The following RBFOX1 variants were observed in gnomAD, a reference collection of about 807,000 sequenced individuals.
RBFOX1 encodes RNA binding protein fox-1 homolog 1.
A neutral mutation model predicts 57.7 loss-of-function variants in RBFOX1; 8 were observed. The ratio of observed to expected loss-of-function variants is 0.14; its 90% CI spans 0.08 to 0.25. The LOEUF (loss-of-function observed/expected upper bound fraction) is 0.25. RBFOX1 is among the 10% of genes least tolerant of loss of function. The pLI is 1.00. For missense variants in RBFOX1, 611 were observed against 548.5 expected (o/e 1.11, Z -1.14); for synonymous variants, 326 against 222.4 (o/e 1.47, Z -4.15).
intron 2 of RBFOX1, among the ~76,000 whole-genome samples, chr16:5,587,197 C>G (rs1477351451): frequency 1.3e-5 from 2 of 152,182 alleles, no homozygotes; most frequent in Admixed American, 6.5e-5. Flanking sequence ...AATTGCATAT[C>G]TGTAAGAGAC....
At chr16:5,255,334 ATCCATCCATCCATCCATCCC>A (rs1322918917) in intron 1 of RBFOX1, among the ~76,000 whole-genome samples, 2 of 137,018 alleles carry the variant, frequency 1.5e-5, no homozygotes, top group South Asian at 2.4e-4. Flanking sequence ...CCATCCATCC[ATCCATCCATCCATCCATCCC>A]TCCATCCATC....
intron 3 of RBFOX1, among the ~76,000 whole-genome samples, chr16:7,022,775 C>G (rs1011847331): frequency 1.3e-5 from 2 of 152,144 alleles, no homozygotes; most frequent in African/African-American, 4.8e-5. Flanking sequence ...GGTATATTAG[C>G]TCATTTTATC....
chr16:7,004,303 C>T (rs141772978), intron 3 of RBFOX1, among the ~76,000 whole-genome samples: 9 of 152,212 alleles, frequency 5.9e-5, no homozygotes, highest in East Asian at 3.9e-4. Flanking sequence ...TAACTCCATT[C>T]GGATACCTAA....
chr16:5,297,664 T>G (rs1433309184), intron 1 of RBFOX1, among the ~76,000 whole-genome samples: 3 of 152,346 alleles, frequency 2.0e-5, no homozygotes, highest in South Asian at 4.1e-4. Flanking sequence ...ATGTATGGTT[T>G]GCAAATATTT....
intron 3 of RBFOX1, among the ~76,000 whole-genome samples, chr16:6,905,258 T>TAA (rs112060453): frequency 6.6e-6 from 1 of 150,662 alleles, no homozygotes; most frequent in African/African-American, 2.5e-5. Context: ...AAAAAAAAAA[T>TAA]TAAAAAAAAG....
intron 4 of RBFOX1, among the ~76,000 whole-genome samples, chr16:7,319,920 G>A (rs1199501436): frequency 6.6e-6 from 1 of 152,072 alleles, no homozygotes; most frequent in Non-Finnish European, 1.5e-5. Context: ...TCAAAGTGTT[G>A]GAGTGCTTAG....
chr16:5,452,976 G>GC (rs2151570537), intron 1 of RBFOX1, among the ~76,000 whole-genome samples: 1 of 152,240 alleles, frequency 6.6e-6, no homozygotes, highest in Admixed American at 6.5e-5. Context: ...TGTCTTCAAG[G>GC]CCCTTAGGGT....
At chr16:5,456,846 C>T (rs1241366020) in intron 1 of RBFOX1, among the ~76,000 whole-genome samples, 1 of 152,186 alleles carries the variant, frequency 6.6e-6, no homozygotes, top group African/African-American at 2.4e-5. Flanking sequence ...TCCTGAGACC[C>T]CGCCTTGCCT....
intron 5 of RBFOX1, among the ~76,000 whole-genome samples, chr16:7,544,832 T>C (rs1395584): frequency 0.59 from 90,430 of 152,088 alleles, 29,812 homozygotes; most frequent in Non-Finnish European, 0.75. Flanking sequence ...ATAGCACTTA[T>C]TGTAACTAGT....
chr16:7,228,289 C>G (rs554441190), intron 4 of RBFOX1, among the ~76,000 whole-genome samples: 1 of 152,220 alleles, frequency 6.6e-6, no homozygotes, highest in Non-Finnish European at 1.5e-5. Context: ...TATTCATCCT[C>G]AAGGTAATAT....
intron 1 of RBFOX1, among the ~76,000 whole-genome samples, chr16:5,301,390 C>T (rs867232643): frequency 3.9e-5 from 6 of 151,928 alleles, no homozygotes; most frequent in Admixed American, 1.3e-4. Context: ...GAGGCCAAGA[C>T]GGGAGATTCA....
intron 3 of RBFOX1, among the ~76,000 whole-genome samples, chr16:6,696,857 A>G (rs2061128248): frequency 6.6e-6 from 1 of 152,240 alleles, no homozygotes; most frequent in African/African-American, 2.4e-5. Context: ...TCTACTGAGA[A>G]ATAGTATTTT....
At chr16:6,966,095 T>C (rs2084085210) in intron 3 of RBFOX1, among the ~76,000 whole-genome samples, 1 of 151,890 alleles carries the variant, frequency 6.6e-6, no homozygotes, top group South Asian at 2.1e-4. Context: ...TATCACGGGG[T>C]TCTCAACCAT....
At chr16:5,402,567 T>G (rs972217563) in intron 1 of RBFOX1, among the ~76,000 whole-genome samples, 1 of 152,206 alleles carries the variant, frequency 6.6e-6, no homozygotes, top group Non-Finnish European at 1.5e-5. Context: ...TCTTCCAAAT[T>G]CTAAAAACTT....
chr16:6,163,754 C>T (rs991114065), intron 1 of RBFOX1, among the ~76,000 whole-genome samples: 1 of 152,152 alleles, frequency 6.6e-6, no homozygotes, highest in Non-Finnish European at 1.5e-5. Context: ...GACACTGCAA[C>T]CTAAATCTTC....
chr16:6,991,172 G>C (rs1023715442), intron 3 of RBFOX1, among the ~76,000 whole-genome samples: 2 of 148,448 alleles, frequency 1.3e-5, no homozygotes, highest in African/African-American at 2.5e-5. Context: ...AGACACGGTG[G>C]CGTGTACCTT....
intron 2 of RBFOX1, among the ~76,000 whole-genome samples, chr16:6,411,711 C>T (rs530755415): frequency 7.9e-5 from 12 of 152,310 alleles, no homozygotes; most frequent in African/African-American, 2.9e-4. Flanking sequence ...TGCATGCTCT[C>T]AGCTTTTATT....
intron 4 of RBFOX1, among the ~76,000 whole-genome samples, chr16:7,152,548 G>A (rs1246742020): frequency 1.3e-5 from 2 of 152,032 alleles, no homozygotes; most frequent in African/African-American, 4.8e-5. Context: ...GTGCAATCTT[G>A]ATAAAGATAG....
chr16:5,799,867 G>C (rs1313627123), intron 3 of RBFOX1, among the ~76,000 whole-genome samples: 5 of 151,982 alleles, frequency 3.3e-5, no homozygotes, highest in African/African-American at 1.2e-4. Context: ...AGTGTGGTAT[G>C]TTTGATTTTT....
Sources: gnomAD v4.1 joint callset for allele counts (sites outside exome capture counted in the v4.1 genomes callset) on GRCh38, gnomAD v4.1.1 for gene constraint, MANE v1.5 for transcripts, NCBI Gene and HGNC (gene_info 2026-07-23, HGNC 2026-07-21) for gene names.